Variants in EYS observed in about 807,000 individuals in gnomAD.
EYS encodes the protein protein eyes shut homolog.
In EYS, 250 loss-of-function variants were observed where a neutral mutation model predicts 282.1. The ratio of observed to expected loss-of-function variants is 0.89; its 90% CI spans 0.80 to 0.98. The LOEUF (loss-of-function observed/expected upper bound fraction) is 0.98, where lower values mean the gene tolerates loss of function less well. Ranked by LOEUF, EYS falls within the 50% of genes least tolerant of loss-of-function variation. EYS has a pLI of 0.00. For missense variants in EYS, 4,016 were observed against 3,709.0 expected (o/e 1.08, Z -2.15); for synonymous variants, 1,355 against 1,282.9 (o/e 1.06, Z -1.20).
At chr6:65,145,529 G>A (rs1370492184) in intron 12 of EYS, among the ~76,000 whole-genome samples, 1 of 151,746 alleles carries the variant, frequency 6.6e-6, no homozygotes, top group African/African-American at 2.4e-5. Flanking sequence ...AAAAAAGGAT[G>A]TGGAGGAAAG....
chr6:65,430,043 C>T (rs1268293642), intron 5 of EYS, among the ~76,000 whole-genome samples: 1 of 152,054 alleles, frequency 6.6e-6, no homozygotes, highest in African/African-American at 2.4e-5. Flanking sequence ...GTAATTTGCT[C>T]AAATTCACAC....
At chr6:64,350,708 C>T (rs1771596712) in intron 29 of EYS, among the ~76,000 whole-genome samples, 1 of 151,626 alleles carries the variant, frequency 6.6e-6, no homozygotes, top group African/African-American at 2.4e-5. Flanking sequence ...TCCTCAAATG[C>T]CACATTTGTC....
chr6:64,197,266 G>A (rs917597068), intron 31 of EYS, among the ~76,000 whole-genome samples: 3 of 152,192 alleles, frequency 2.0e-5, no homozygotes, highest in South Asian at 2.1e-4. Context: ...TTCTTAGCTA[G>A]TGTTTGTGTG....
intron 22 of EYS, among the ~76,000 whole-genome samples, chr6:64,743,971 T>G (rs1290999736): frequency 6.6e-6 from 1 of 152,154 alleles, no homozygotes; most frequent in Non-Finnish European, 1.5e-5. Flanking sequence ...ATTTCTAGAA[T>G]AATTCTATAA....
chr6:64,224,844 T>G lies in EYS; in HGVS notation c.6424+5748A>C, dbSNP rs568508625. ...ATGCCTTTTGTGAATGATTTTTTTT[T>G]TGTGTTGAAATAAAGAAGAGGCCTG... On this transcript the variant is annotated intron_variant, in intron 31 of 42. Coordinates refer to ENST00000503581, the MANE Select transcript of EYS (RefSeq NM_001142800.2). Among the ~76,000 whole-genome samples the G allele has an allele frequency of 9.7e-3, 1,478 of 152,162 alleles. 25 individuals are homozygous for G. The highest frequency in any genetic ancestry group is 0.033 in the African/African-American group (1,368 of 41,506).
chr6:63,827,550 T>C (rs1265886053), intron 36 of EYS, among the ~76,000 whole-genome samples: 1 of 151,944 alleles, frequency 6.6e-6, no homozygotes, highest in African/African-American at 2.4e-5. Context: ...TTTCAGAAAA[T>C]TGAAATTACA....
chr6:65,655,351 C>A (rs1767784196), intron 1 of EYS, among the ~76,000 whole-genome samples: 1 of 151,532 alleles, frequency 6.6e-6, no homozygotes, highest in East Asian at 1.9e-4. Flanking sequence ...TCTGTACAAT[C>A]AAGATACCTG....
At chr6:64,837,216 A>C (rs1306508821) in intron 19 of EYS, among the ~76,000 whole-genome samples, 5 of 151,396 alleles carry the variant, frequency 3.3e-5, no homozygotes, top group Admixed American at 6.6e-5. Context: ...ATTGTTTTTA[A>C]TGAGAAAATT....
chr6:65,634,305 T>G (rs192928047), intron 2 of EYS, among the ~76,000 whole-genome samples: 5 of 152,302 alleles, frequency 3.3e-5, no homozygotes, highest in Non-Finnish European at 7.4e-5. Flanking sequence ...ACATATGAAA[T>G]ACACTGTTAG....
chr6:65,354,168 T>C (rs773894069), intron 8 of EYS, among the ~76,000 whole-genome samples: 3 of 152,126 alleles, frequency 2.0e-5, no homozygotes, highest in Non-Finnish European at 2.9e-5. Context: ...TTAGGTCACA[T>C]TGAGGTCATC....
intron 26 of EYS, among the ~76,000 whole-genome samples, chr6:64,572,097 C>T (rs1233462332): frequency 1.3e-5 from 2 of 152,046 alleles, no homozygotes; most frequent in East Asian, 1.9e-4. Flanking sequence ...TGGCTTCATC[C>T]CTGGGATGCA....
chr6:64,449,885 C>A (rs189417629), intron 26 of EYS, among the ~76,000 whole-genome samples: 1 of 152,062 alleles, frequency 6.6e-6, no homozygotes. Context: ...ACAACCGGTA[C>A]CAGCCACTGC....
chr6:64,076,113 A>G (rs764035702), intron 32 of EYS, among the ~76,000 whole-genome samples: 13 of 151,986 alleles, frequency 8.6e-5, no homozygotes, highest in Non-Finnish European at 2.9e-5. Context: ...CTCCTGCTAT[A>G]TTCCTGATTT....
chr6:64,249,923 C>T (rs913366278), intron 30 of EYS, among the ~76,000 whole-genome samples: 5 of 152,110 alleles, frequency 3.3e-5, no homozygotes, highest in African/African-American at 9.7e-5. Context: ...GTCAGCCTCT[C>T]AGGTACGAGG....
At position 65,107,789 on chromosome 6, in the gene EYS, T is replaced by G. The variant is rs887672001; in HGVS notation, c.2024-50062A>C. On this transcript the variant is annotated intron_variant, in intron 12 of 42. Coordinates refer to ENST00000503581, the MANE Select transcript of EYS (RefSeq NM_001142800.2). ...AATGCAATTATCCACATGGTTGGTTTAAGTCTGCCACTTTATTTTTTATAT... is the reference window on the plus strand; with the variant it reads ...AATGCAATTATCCACATGGTTGGTTGAAGTCTGCCACTTTATTTTTTATAT... 2.0e-5 allele frequency among the ~76,000 whole-genome samples: 3 copies of G among 152,076 alleles called. No homozygotes were observed. The East Asian group carries it at 5.8e-4, about 29-fold the overall frequency.
chr6:64,743,419 A>G (rs1478674784), intron 22 of EYS, among the ~76,000 whole-genome samples: 2 of 152,154 alleles, frequency 1.3e-5, no homozygotes, highest in African/African-American at 4.8e-5. Context: ...AAACTTCCAT[A>G]TAAATTTTAT....
intron 2 of EYS, among the ~76,000 whole-genome samples, chr6:65,593,766 C>A (rs1037512368): frequency 6.6e-6 from 1 of 151,796 alleles, no homozygotes; most frequent in Admixed American, 6.6e-5. Context: ...TATATTTTGT[C>A]CTTCTCTTTA....
intron 22 of EYS, among the ~76,000 whole-genome samples, chr6:64,766,649 A>AATATATATATAT (rs70999172): frequency 0.059 from 1,105 of 18,822 alleles, 145 homozygotes; most frequent in Middle Eastern, 0.083. Flanking sequence ...AAAAAAAAAA[A>AATATATATATAT]ATATATATAT....
At chr6:64,119,197 G>T (rs1258928928) in intron 31 of EYS, among the ~76,000 whole-genome samples, 2 of 152,060 alleles carry the variant, frequency 1.3e-5, no homozygotes, top group African/African-American at 2.4e-5. Flanking sequence ...TCAGTGACGG[G>T]TTTCTCATTT....
Sources: gnomAD v4.1 joint callset for allele counts (sites outside exome capture counted in the v4.1 genomes callset) on GRCh38, gnomAD v4.1.1 for gene constraint, MANE v1.5 for transcripts, NCBI Gene and HGNC (gene_info 2026-07-23, HGNC 2026-07-21) for gene names.